CNTLN: variants seen among roughly 807,000 people sequenced by gnomAD.
CNTLN encodes centlein, centrosomal protein.
CNTLN carries 212 observed loss-of-function variants against 180.0 expected under a neutral mutation model. The observed-to-expected ratio is 1.18, with a 90% confidence interval of 1.05 to 1.32. The LOEUF is 1.32. Ranked by LOEUF, CNTLN falls within the 40% of genes most tolerant of loss-of-function variation. The probability of loss-of-function intolerance (pLI) is 0.00; values close to 1 mark genes in which losing one functional copy is unlikely to be tolerated. For missense variants in CNTLN, 2,095 were observed against 1,610.9 expected (o/e 1.30, Z -5.14); for synonymous variants, 722 against 563.1 (o/e 1.28, Z -3.99).
chr9:17,464,251 A>G (rs1435290092), intron 20 of CNTLN, among the ~76,000 whole-genome samples: 1 of 151,294 alleles, frequency 6.6e-6, no homozygotes. Flanking sequence ...CTCATTTCTT[A>G]TATATTTTGT....
chr9:17,136,754 C>G (rs892607442), intron 1 of CNTLN, among the ~76,000 whole-genome samples: 2 of 152,126 alleles, frequency 1.3e-5, no homozygotes, highest in African/African-American at 4.8e-5. Context: ...ATATGGTGCC[C>G]TCTTTTCGTT....
At position 17,235,676 on chromosome 9, in the gene CNTLN, C is replaced by A; in HGVS notation, c.553C>A (p.Gln185Lys). 1.2e-6 allele frequency: 2 copies of A among 1,600,904 alleles called. No individual in the cohort carries two copies. Among genetic ancestry groups the A allele is most frequent in the Admixed American group, 1.7e-5 (1 of 57,666 alleles). The change falls in exon 4 of 26, where the codon CAG (glutamine) becomes AAG (lysine). Residue 185 changes from glutamine to lysine, a missense_variant. Coordinates refer to ENST00000380647, the MANE Select transcript of CNTLN (RefSeq NM_017738.4). Reference protein sequence around the residue: ...EFEQRESVLKQEINDLVKRKI... With the variant: ...EFEQRESVLKKEINDLVKRKI... ...TCCACAGAGAGAGTCAGTACTGAAA[C>A]AGGAAATAAATGACCTTGTAAAACG...
chr9:17,263,717 T>G (rs1014267612), intron 5 of CNTLN, among the ~76,000 whole-genome samples: 2 of 144,442 alleles, frequency 1.4e-5, no homozygotes, highest in African/African-American at 5.4e-5. Flanking sequence ...GTTTCCTGAC[T>G]TTTTAATGAT....
chr9:17,236,361 T>A (rs746363137), intron 4 of CNTLN, 48 bp from the exon 5 acceptor site: 1 of 1,482,608 alleles, frequency 6.7e-7, no homozygotes, highest in Non-Finnish European at 9.0e-7. Context: ...TTTGGGTTTT[T>A]TGTTTCGTTT....
At chr9:17,255,572 G>C (rs1244459778) in intron 5 of CNTLN, among the ~76,000 whole-genome samples, 1 of 151,638 alleles carries the variant, frequency 6.6e-6, no homozygotes, top group African/African-American at 2.4e-5. Context: ...TTTTTTGCTA[G>C]TATTTTGTTT....
At position 17,312,364 on chromosome 9, in the gene CNTLN, T is replaced by TATATTATA. The variant is rs369729227; in HGVS notation, c.1341+3112_1341+3113insATATTATA. Among the ~76,000 whole-genome samples the TATATTATA allele has an allele frequency of 1.3e-3, 26 of 20,180 alleles. No individual in the cohort carries two copies. In the East Asian group the frequency reaches 0.016, roughly 12 times the overall value. 13.2% of individuals were successfully genotyped at this position (20,180 alleles called of 152,430 possible). ...GTATTTATATATATATATATATATA[T>TATATTATA]TATATATATATATATATATAATTTA... On this transcript the variant is annotated intron_variant, in intron 8 of 25. Coordinates refer to ENST00000380647, the MANE Select transcript of CNTLN (RefSeq NM_017738.4).
intron 18 of CNTLN, among the ~76,000 whole-genome samples, chr9:17,440,428 A>C (rs1277855022): frequency 6.6e-6 from 1 of 150,914 alleles, no homozygotes; most frequent in East Asian, 2.0e-4. Flanking sequence ...ATACAAAAAA[A>C]AAAAAAAAAA....
intron 2 of CNTLN, chr9:17,167,338 T>C (rs1194604034): frequency 6.6e-6 from 1 of 152,440 alleles, no homozygotes; most frequent in African/African-American, 2.4e-5. Context: ...ATCCTGTTCT[T>C]TCTCATCTCT....
At chr9:17,461,219 C>T (rs1375178757) in intron 19 of CNTLN, among the ~76,000 whole-genome samples, 4 of 151,368 alleles carry the variant, frequency 2.6e-5, no homozygotes, top group African/African-American at 9.7e-5. Flanking sequence ...ATTAGCTTAG[C>T]ATAATCATGG....
At chr9:17,501,018 T>C (rs1343999013) in intron 25 of CNTLN, among the ~76,000 whole-genome samples, 1 of 152,336 alleles carries the variant, frequency 6.6e-6, no homozygotes. Flanking sequence ...TTTTTGCTTA[T>C]CTCTAAGATA....
At chr9:17,422,522 A>G (rs559011900) in intron 18 of CNTLN, among the ~76,000 whole-genome samples, 28 of 152,236 alleles carry the variant, frequency 1.8e-4, no homozygotes, top group Non-Finnish European at 3.4e-4. Context: ...CAGTTTGTCA[A>G]TTGAATCGTT....
chr9:17,418,939 C>T (rs537718345), intron 18 of CNTLN, among the ~76,000 whole-genome samples: 14 of 152,086 alleles, frequency 9.2e-5, no homozygotes, highest in African/African-American at 3.4e-4. Context: ...ATTTTTTTCC[C>T]TGTCAGTTTC....
chr9:17,153,384 G>A (rs1819032596), intron 2 of CNTLN, among the ~76,000 whole-genome samples: 1 of 152,180 alleles, frequency 6.6e-6, no homozygotes, highest in African/African-American at 2.4e-5. Context: ...TTGCTTGTCT[G>A]TAAAGGACTT....
At position 17,481,169 on chromosome 9, in the gene CNTLN, C is replaced by G. The variant is rs907677695; in HGVS notation, c.3856-3126C>G. Among the ~76,000 whole-genome samples the G allele has an allele frequency of 2.0e-5, 3 of 152,330 alleles. No individual in the cohort carries two copies. The East Asian group carries it at 5.8e-4, about 29-fold the overall frequency. ...CCAAGGAGCCTAGTTAGCAACCCCA[C>G]CTGGCTATAGAGCTCAGCCCACAGC... On this transcript the variant is annotated intron_variant, in intron 23 of 25. Transcript: ENST00000380647.
chr9:17,276,086 A>G (rs1380441820), intron 6 of CNTLN, among the ~76,000 whole-genome samples: 1 of 152,134 alleles, frequency 6.6e-6, no homozygotes, highest in Non-Finnish European at 1.5e-5. Context: ...GCATCAAGCA[A>G]TATAGCCAGG....
chr9:17,283,629 C>T (rs1421125007), intron 6 of CNTLN, among the ~76,000 whole-genome samples: 1 of 152,096 alleles, frequency 6.6e-6, no homozygotes, highest in Non-Finnish European at 1.5e-5. Context: ...ACTTCCAATA[C>T]TATGTTGAAT....
chr9:17,199,817 T>C (rs1372193953), intron 2 of CNTLN, among the ~76,000 whole-genome samples: 1 of 152,180 alleles, frequency 6.6e-6, no homozygotes, highest in East Asian at 1.9e-4. Flanking sequence ...ATAGTTTCTT[T>C]TCCTGTGCAT....
intron 3 of CNTLN, among the ~76,000 whole-genome samples, chr9:17,227,345 G>A (rs576594998): frequency 8.6e-5 from 13 of 151,830 alleles, no homozygotes; most frequent in Non-Finnish European, 1.8e-4. Context: ...GTAAAATTAC[G>A]TGTGATTATA....
At chr9:17,156,760 C>T (rs1211389888) in intron 2 of CNTLN, among the ~76,000 whole-genome samples, 3 of 152,158 alleles carry the variant, frequency 2.0e-5, no homozygotes, top group East Asian at 1.9e-4. Context: ...GCAAATATTA[C>T]AATAAAGCAA....
Sources: gnomAD v4.1 joint callset for allele counts (sites outside exome capture counted in the v4.1 genomes callset) on GRCh38, gnomAD v4.1.1 for gene constraint, MANE v1.5 for transcripts, NCBI Gene and HGNC (gene_info 2026-07-23, HGNC 2026-07-21) for gene names.